The following CUX1 variants were observed in gnomAD, a reference collection of about 807,000 sequenced individuals.
CUX1 encodes the protein cut like homeobox 1, also known as protein CASP.
CUX1 carries 31 observed loss-of-function variants against 158.8 expected under a neutral mutation model. The observed-to-expected ratio is 0.20, with a 90% CI of 0.15 to 0.26. The LOEUF (loss-of-function observed/expected upper bound fraction) is 0.26. Ranked by LOEUF, CUX1 falls within the 10% of genes least tolerant of loss-of-function variation. The probability of loss-of-function intolerance (pLI) is 1.00; values close to 1 mark genes in which losing one functional copy is unlikely to be tolerated. For missense variants in CUX1, 1,589 were observed against 2,014.6 expected (o/e 0.79, Z 4.04); for synonymous variants, 879 against 862.1 (o/e 1.02, Z -0.34).
chr7:101,842,251 A>T (rs1795252175), intron 1 of CUX1, among the ~76,000 whole-genome samples: 1 of 152,206 alleles, frequency 6.6e-6, no homozygotes, highest in Non-Finnish European at 1.5e-5. Context: ...GCTCAAAAAG[A>T]ATGTGTTTTT....
intron 8 of CUX1, among the ~76,000 whole-genome samples, chr7:102,144,277 G>C (rs896485293): frequency 1.3e-5 from 2 of 152,154 alleles, no homozygotes; most frequent in African/African-American, 4.8e-5. Context: ...CCTGACTACT[G>C]TGATGCTCTT....
chr7:101,891,198 T>A (rs1800841461), intron 1 of CUX1, among the ~76,000 whole-genome samples: 1 of 152,158 alleles, frequency 6.6e-6, no homozygotes, highest in Non-Finnish European at 1.5e-5. Context: ...AGACTGGATC[T>A]GTTTTTTTAT....
intron 3 of CUX1, among the ~76,000 whole-genome samples, chr7:102,053,130 G>A (rs1823724250): frequency 6.6e-6 from 1 of 152,110 alleles, no homozygotes. Flanking sequence ...TCTTTTTGAT[G>A]CTAGTCATCC....
At chr7:102,229,656 C>T (rs565206059) in intron 21 of CUX1, among the ~76,000 whole-genome samples, 28 of 125,262 alleles carry the variant, frequency 2.2e-4, no homozygotes, top group South Asian at 8.4e-4. Context: ...CTCACCGTCT[C>T]ACTCAGGCTG....
chr7:101,914,922 G>A (rs532114831), intron 1 of CUX1, among the ~76,000 whole-genome samples: 55 of 152,250 alleles, frequency 3.6e-4, no homozygotes, highest in African/African-American at 1.1e-3. Flanking sequence ...GTTAACTTCC[G>A]CCAAGGAGGA....
At chr7:101,917,173 C>T (rs1804318980) in intron 2 of CUX1, among the ~76,000 whole-genome samples, 1 of 152,206 alleles carries the variant, frequency 6.6e-6, no homozygotes, top group Non-Finnish European at 1.5e-5. Flanking sequence ...AGGCAAAGCT[C>T]CTTTCTAGGA....
At chr7:102,273,028 GC>G (rs1200358248) in intron 14 of CUX1, among the ~76,000 whole-genome samples, 2 of 152,230 alleles carry the variant, frequency 1.3e-5, no homozygotes, top group African/African-American at 4.8e-5. Flanking sequence ...AGGGAAAGGG[GC>G]TGGCCAGGGC....
At chr7:101,979,682 C>G (rs1329817366) in intron 2 of CUX1, among the ~76,000 whole-genome samples, 1 of 151,962 alleles carries the variant, frequency 6.6e-6, no homozygotes, top group Non-Finnish European at 1.5e-5. Context: ...CGGAGTCTTG[C>G]TCTGTCATCC....
chr7:102,209,437 C>T (rs1273417034), intron 20 of CUX1, among the ~76,000 whole-genome samples: 1 of 151,902 alleles, frequency 6.6e-6, no homozygotes, highest in Admixed American at 6.6e-5. Context: ...CTTGAAAAGG[C>T]GTAAGGTGAG....
chr7:102,205,872 C>G (rs1795894907), intron 20 of CUX1, among the ~76,000 whole-genome samples: 1 of 152,140 alleles, frequency 6.6e-6, no homozygotes, highest in African/African-American at 2.4e-5. Flanking sequence ...CTCCCAGGCT[C>G]TCGTCTGCGC....
intron 2 of CUX1, among the ~76,000 whole-genome samples, chr7:101,970,902 T>TC (rs1344097190): frequency 6.6e-6 from 1 of 152,158 alleles, no homozygotes; most frequent in Non-Finnish European, 1.5e-5. Flanking sequence ...TCAACTGACC[T>TC]CCTTGGAGTG....
intron 1 of CUX1, among the ~76,000 whole-genome samples, chr7:101,834,260 G>A (rs1439327475): frequency 2.1e-4 from 27 of 126,010 alleles, no homozygotes; most frequent in East Asian, 2.7e-4. Context: ...TGCAACCTCC[G>A]CCTCCTGGGT....
chr7:102,041,901 C>T (rs1213691779), intron 3 of CUX1, among the ~76,000 whole-genome samples: 1 of 152,056 alleles, frequency 6.6e-6, no homozygotes, highest in East Asian at 1.9e-4. Flanking sequence ...ACTCCTAGCT[C>T]AGGTGATCCG....
At chr7:102,283,107 C>T (rs1554549907) in exon 23 of CUX1, 1 of 1,609,446 alleles carries the variant, frequency 6.2e-7, no homozygotes, top group African/African-American at 1.3e-5. Context: ...GGGGCCTCCC[C>T]CGTGACAGTG....
Position 102,201,262 on chromosome 7 carries a change from T to G in CUX1, c.2063-98T>G. 6.6e-7 allele frequency: 1 copy of G among 1,509,390 alleles called. No individual in the cohort carries two copies. Among genetic ancestry groups the G allele is most frequent in the South Asian group, 1.3e-5 (1 of 79,310 alleles). The allele number at this position is 1,509,390 out of a possible 1,614,324, so 93.5% of individuals were successfully genotyped here. On this transcript the variant is annotated intron_variant, in intron 17 of 23. Coordinates refer to ENST00000292535, the MANE Select transcript of CUX1 (RefSeq NM_181552.4). This position sits in a 1 kb window ranked among gnomAD's most constrained non-coding sequence, Gnocchi z 5.0. ...AAATACACAGTGTGGTTCTCCCAAA[T>G]AACCCACACTTTGCAGTAGGTCAAG...
chr7:101,899,468 C>T (rs1801907972), intron 1 of CUX1, among the ~76,000 whole-genome samples: 1 of 152,164 alleles, frequency 6.6e-6, no homozygotes, highest in Non-Finnish European at 1.5e-5. Flanking sequence ...AGGAGAATCT[C>T]TTGAACCCAG....
At chr7:101,816,804 T>C (rs1791859729), upstream of CUX1, 1 of 206,864 alleles carries the variant, frequency 4.8e-6, no homozygotes, top group Admixed American at 7.4e-5. Context: ...GGCGGGCGGG[T>C]GGCCGGGCAG....
intron 2 of CUX1, among the ~76,000 whole-genome samples, chr7:101,965,848 CAAAAAAAAAA>C (rs36052208): frequency 4.0e-5 from 2 of 50,122 alleles, no homozygotes; most frequent in Non-Finnish European, 6.2e-5. Context: ...GACTCCATCT[CAAAAAAAAAA>C]AAAAAAAAAA....
At chr7:101,995,259 G>C (rs560666315) in intron 2 of CUX1, among the ~76,000 whole-genome samples, 32 of 152,242 alleles carry the variant, frequency 2.1e-4, no homozygotes, top group African/African-American at 7.5e-4. Context: ...TCCCATCCAG[G>C]CCGCCATGGC....
Sources: allele counts gnomAD v4.1 joint callset (sites outside exome capture counted in the v4.1 genomes callset), GRCh38; gene constraint gnomAD v4.1.1; non-coding constraint Gnocchi (gnomAD v3.1); transcripts MANE v1.5; gene names NCBI Gene and HGNC (gene_info 2026-07-23, HGNC 2026-07-21).